HTR2C: variants seen among roughly 807,000 people sequenced by gnomAD.
HTR2C encodes the protein 5-hydroxytryptamine (serotonin) receptor 2C, G protein-coupled.
Under a neutral mutation model 21.0 loss-of-function variants are expected in HTR2C, and 5 were observed. The observed-to-expected ratio is 0.24, with a 90% CI of 0.12 to 0.50. The LOEUF is 0.50. HTR2C is among the 20% of genes least tolerant of loss of function. The probability of loss-of-function intolerance (pLI) is 0.98; values close to 1 mark genes in which losing one functional copy is unlikely to be tolerated. For synonymous variants in HTR2C, 150 were observed against 145.3 expected, an observed-to-expected ratio of 1.03 and a Z score of -0.23; for missense variants, 271 against 371.2, an observed-to-expected ratio of 0.73 and a Z score of 2.22.
intron 4 of HTR2C, among the ~76,000 whole-genome samples, chrX:114,755,127 T>A (rs1380913657): frequency 9.2e-6 from 1 of 109,054 alleles, no homozygotes; most frequent in African/African-American, 3.3e-5. Context: ...GTAATCCCAG[T>A]TACTTGGGAG....
In HTR2C at chrX:114,657,903, T is replaced by A. The variant is rs782349119; in HGVS notation, c.-80+44022T>A. On this transcript the variant is annotated intron_variant, in intron 2 of 5. Coordinates refer to ENST00000276198, the MANE Select transcript of HTR2C (RefSeq NM_000868.4). ...TCTTCTGTAAAACTATTAATCTCGG[T>A]CAATTAATTTATGGTTTGGGAGGCA... 8.1e-5 allele frequency among the ~76,000 whole-genome samples: 9 copies of A among 111,044 alleles called. No individual in the cohort carries two copies. In the East Asian group the frequency reaches 2.5e-3, roughly 31 times the overall value.
intron 5 of HTR2C, among the ~76,000 whole-genome samples, chrX:114,865,011 G>A (rs369054651): frequency 9.3e-6 from 1 of 107,310 alleles, no homozygotes; most frequent in East Asian, 2.9e-4. Flanking sequence ...TCCCTTATAT[G>A]GACTCAGGAT....
intron 4 of HTR2C, among the ~76,000 whole-genome samples, chrX:114,784,058 G>T (rs1408116957): frequency 3.7e-5 from 4 of 107,741 alleles, no homozygotes; most frequent in African/African-American, 1.4e-4. Context: ...AAAATAGAAT[G>T]GAGACAATGA....
At chrX:114,632,161 G>A (rs1212343976) in intron 2 of HTR2C, among the ~76,000 whole-genome samples, 3 of 112,311 alleles carry the variant, frequency 2.7e-5, no homozygotes, top group African/African-American at 6.5e-5. Flanking sequence ...ACTGTTTTAC[G>A]TGATAAAATA....
intron 4 of HTR2C, among the ~76,000 whole-genome samples, chrX:114,790,807 A>G (rs1415009357): frequency 1.8e-5 from 2 of 112,012 alleles, no homozygotes; most frequent in African/African-American, 3.2e-5. Flanking sequence ...ATCACAAAAA[A>G]GAGTATTTTG....
At chrX:114,831,092 T>C (rs1276799049) in intron 4 of HTR2C, among the ~76,000 whole-genome samples, 1 of 84,407 alleles carries the variant, frequency 1.2e-5, no homozygotes, top group Non-Finnish European at 2.3e-5. Flanking sequence ...TAATCCAGTC[T>C]ATCATTGTTG....
chrX:114,806,412 A>G (rs1393555886), intron 4 of HTR2C, among the ~76,000 whole-genome samples: 2 of 22,190 alleles, frequency 9.0e-5, no homozygotes, highest in African/African-American at 2.5e-4. Context: ...TATACACCAT[A>G]TATATATACT....
rs1391701975 is a variant in HTR2C, at chrX:114,706,584, T to C, written c.-79-20274T>C. Among the ~76,000 whole-genome samples the C allele has an allele frequency of 3.4e-5, 3 of 87,198 alleles. No homozygotes were observed. The East Asian group carries it at 1.4e-3, about 40-fold the overall frequency. 75.7% of individuals were successfully genotyped at this position (87,198 alleles called of 115,157 possible). A position where few individuals can be genotyped will look rare whatever the true frequency, so the allele number is the denominator to read the frequency against. Reference sequence around the variant, plus strand: ...GTGGGGTGGGGGGAGGGGGGAGGGATAGCATTAGTAGATATACCTAATGCT... The same window carrying C: ...GTGGGGTGGGGGGAGGGGGGAGGGACAGCATTAGTAGATATACCTAATGCT... On this transcript the variant is annotated intron_variant, in intron 2 of 5. Transcript: ENST00000276198.
intron 2 of HTR2C, among the ~76,000 whole-genome samples, chrX:114,645,179 A>C (rs1045367655): frequency 9.0e-6 from 1 of 110,989 alleles, no homozygotes; most frequent in Non-Finnish European, 1.9e-5. Flanking sequence ...ACTTAGCTAC[A>C]AAAGAGAGAG....
At chrX:114,797,393 G>A (rs2070303671) in intron 4 of HTR2C, among the ~76,000 whole-genome samples, 1 of 111,251 alleles carries the variant, frequency 9.0e-6, no homozygotes, top group Non-Finnish European at 1.9e-5. Flanking sequence ...CAATCTACCT[G>A]TATTTGTCCT....
intron 2 of HTR2C, among the ~76,000 whole-genome samples, chrX:114,617,858 A>C (rs1556400624): frequency 1.8e-5 from 2 of 112,075 alleles, no homozygotes; most frequent in African/African-American, 6.5e-5. Context: ...CACATAATAT[A>C]CATTCAATAA....
At chrX:114,824,881 T>C (rs2070665566) in intron 4 of HTR2C, among the ~76,000 whole-genome samples, 1 of 111,972 alleles carries the variant, frequency 8.9e-6, no homozygotes, top group South Asian at 3.7e-4. Flanking sequence ...TGGTTTCATA[T>C]ACAAGGACCC....
chrX:114,831,838 C>T (rs1334446288), intron 4 of HTR2C, among the ~76,000 whole-genome samples: 4 of 99,881 alleles, frequency 4.0e-5, no homozygotes, highest in African/African-American at 1.5e-4. Context: ...TTAGGTCTAA[C>T]GTTTAAGTCT....
At chrX:114,690,798 A>G (rs1569484290) in intron 2 of HTR2C, among the ~76,000 whole-genome samples, 1 of 111,330 alleles carries the variant, frequency 9.0e-6, no homozygotes, top group African/African-American at 3.3e-5. Flanking sequence ...TCATTTAAAG[A>G]CAATACTAGA....
At position 114,654,651 on chromosome X, in the gene HTR2C, A is replaced by G. The variant is rs868991510; in HGVS notation, c.-80+40770A>G. ...CTGTACTAGGAGCTGCAGATACAGC[A>G]ATGAATAAGACACAATCCCTCCCTT... On this transcript the variant is annotated intron_variant, in intron 2 of 5. Coordinates refer to ENST00000276198, the MANE Select transcript of HTR2C (RefSeq NM_000868.4). Among the ~76,000 whole-genome samples, 63 of 110,675 alleles carry G rather than the reference A, an allele frequency of 5.7e-4. 1 individual carries two copies. Among genetic ancestry groups the G allele is most frequent in the Middle Eastern group, 4.7e-3 (1 of 211 alleles).
rs1931296416 is a variant in HTR2C, at chrX:114,669,611, C to G, written c.-80+55730C>G. 1.8e-5 allele frequency among the ~76,000 whole-genome samples: 2 copies of G among 111,776 alleles called. 1 individual carries two copies. The highest frequency in any genetic ancestry group is 7.5e-4 in the South Asian group (2 of 2,657). On this transcript the variant is annotated intron_variant, in intron 2 of 5. Coordinates refer to ENST00000276198, the MANE Select transcript of HTR2C (RefSeq NM_000868.4). Reference sequence around the variant, plus strand: ...TCAGGAGGCTGAGGCAGGAAAATCACTTGGACCAGGGAGTCCGAGGTTGCA... The same window carrying G: ...TCAGGAGGCTGAGGCAGGAAAATCAGTTGGACCAGGGAGTCCGAGGTTGCA...
intron 2 of HTR2C, among the ~76,000 whole-genome samples, chrX:114,649,779 C>A (rs1319693479): frequency 5.4e-5 from 6 of 110,244 alleles, no homozygotes; most frequent in African/African-American, 2.0e-4. Context: ...CCACGACTGG[C>A]TAATTTTGTA....
At chrX:114,757,079 T>C (rs1235775283) in intron 4 of HTR2C, among the ~76,000 whole-genome samples, 1 of 110,894 alleles carries the variant, frequency 9.0e-6, no homozygotes, top group East Asian at 2.8e-4. Flanking sequence ...ATATGTGTAA[T>C]ATATTATTTA....
At chrX:114,800,329 T>G (rs2070333491) in intron 4 of HTR2C, among the ~76,000 whole-genome samples, 1 of 111,737 alleles carries the variant, frequency 8.9e-6, no homozygotes, top group Non-Finnish European at 1.9e-5. Context: ...AGAAATAATA[T>G]GATTTCTATT....
Sources: gnomAD v4.1 joint callset for allele counts (sites outside exome capture counted in the v4.1 genomes callset) on GRCh38, gnomAD v4.1.1 for gene constraint, MANE v1.5 for transcripts, NCBI Gene and HGNC (gene_info 2026-07-23, HGNC 2026-07-21) for gene names.